The following ARHGAP10 variants were observed in gnomAD, a reference collection of about 807,000 sequenced individuals.
ARHGAP10 encodes rho GTPase-activating protein 10.
ARHGAP10 carries 87 observed loss-of-function variants against 108.6 expected under a neutral mutation model. The ratio of observed to expected loss-of-function variants is 0.80; its 90% CI spans 0.67 to 0.96. The LOEUF is 0.96. Among genes scored for constraint, ARHGAP10 ranks in the 40% least tolerant of loss-of-function variants. The pLI, the probability that ARHGAP10 is intolerant of heterozygous loss-of-function variation, is 0.00. For missense variants in ARHGAP10, 939 were observed against 954.5 expected, an observed-to-expected ratio of 0.98 and a Z score of 0.21; for synonymous variants, 347 against 341.1, an observed-to-expected ratio of 1.02 and a Z score of -0.19.
intron 1 of ARHGAP10, among the ~76,000 whole-genome samples, chr4:147,805,514 A>G (rs920161007): frequency 2.6e-5 from 4 of 152,182 alleles, no homozygotes; most frequent in Admixed American, 2.0e-4. Flanking sequence ...AAGAATGTCA[A>G]TGGTAGTTTG....
At chr4:147,847,017 T>G (rs1331448111) in intron 3 of ARHGAP10, 134 bp from the exon 4 acceptor site, 10 of 631,134 alleles carry the variant, frequency 1.6e-5, no homozygotes, top group Non-Finnish European at 2.7e-5. Context: ...ATTGTTGCAT[T>G]GGCAGAGTGA....
chr4:147,983,033 C>T (rs1739883251), intron 18 of ARHGAP10, among the ~76,000 whole-genome samples: 1 of 151,754 alleles, frequency 6.6e-6, no homozygotes, highest in Non-Finnish European at 1.5e-5. Context: ...GTGTGCATGA[C>T]CATGCACTGC....
chr4:147,966,700 A>C lies in ARHGAP10; in HGVS notation c.1577A>C (p.Gln526Pro). The change falls in exon 18 of 23, where the codon CAG (glutamine) becomes CCG (proline). Residue 526 changes from glutamine (Q) to proline (P), a missense_variant. Transcript: ENST00000336498. Reference protein sequence around the residue: ...HLTNVSNHSKQNLMTVANLGV... With the variant: ...HLTNVSNHSKPNLMTVANLGV... ...TTCAGTGTTTCAAATCACTCCAAGC[A>C]GAACCTGATGACTGTGGCAAACTTA... 6.3e-7 allele frequency: 1 copy of C among 1,585,784 alleles called. No individual in the cohort carries two copies. The highest frequency in any genetic ancestry group is 1.2e-5 in the South Asian group (1 of 85,846).
chr4:148,019,263 T>G (rs978163920), intron 18 of ARHGAP10, among the ~76,000 whole-genome samples: 1 of 152,232 alleles, frequency 6.6e-6, no homozygotes, highest in African/African-American at 2.4e-5. Flanking sequence ...AGTCATGAGG[T>G]CTGAATTCAT....
At chr4:147,818,291 C>T (rs568078751) in intron 1 of ARHGAP10, among the ~76,000 whole-genome samples, 53 of 151,858 alleles carry the variant, frequency 3.5e-4, no homozygotes, top group Non-Finnish European at 5.6e-4. Context: ...TTAGGCTGGG[C>T]GCGGTGGCTC....
At chr4:147,758,446 A>G (rs749010769) in intron 1 of ARHGAP10, among the ~76,000 whole-genome samples, 9 of 152,180 alleles carry the variant, frequency 5.9e-5, no homozygotes, top group Admixed American at 2.0e-4. Flanking sequence ...TGCAGCCATC[A>G]CCACAGTCAA....
At chr4:147,837,643 G>GTTTTTT (rs59933316) in intron 3 of ARHGAP10, among the ~76,000 whole-genome samples, 14,494 of 70,116 alleles carry the variant, frequency 0.21, 1,899 homozygotes, top group African/African-American at 0.26. Context: ...TCTGGTCACT[G>GTTTTTT]TTTTTTTTTT....
intron 8 of ARHGAP10, among the ~76,000 whole-genome samples, chr4:147,876,128 A>G (rs894773262): frequency 3.3e-5 from 5 of 152,230 alleles, no homozygotes; most frequent in East Asian, 3.8e-4. Flanking sequence ...TTAATGTTCT[A>G]TGCAGGCAGC....
At chr4:148,033,438 G>A (rs565577483) in intron 19 of ARHGAP10, among the ~76,000 whole-genome samples, 1 of 152,288 alleles carries the variant, frequency 6.6e-6, no homozygotes, top group East Asian at 1.9e-4. Flanking sequence ...ACTTTTAAAG[G>A]AAAACCTATA....
At chr4:147,808,453 T>G (rs1731874021) in intron 1 of ARHGAP10, among the ~76,000 whole-genome samples, 1 of 152,060 alleles carries the variant, frequency 6.6e-6, no homozygotes, top group East Asian at 1.9e-4. Context: ...TAGGAAGGAA[T>G]TGGATTTTAT....
rs568963317 is a variant in ARHGAP10 at position 147,886,535 on chromosome 4, A to G, written c.1034+4603A>G. Among the ~76,000 whole-genome samples the G allele has an allele frequency of 2.6e-5, 4 of 152,184 alleles. No homozygotes were observed. In the South Asian group the frequency reaches 6.2e-4, roughly 24 times the overall value. The stretch of plus-strand genomic sequence containing the variant: ...CGTCGTGCACTCACTTTCTTCCTTA[A>G]CTAGTTGAAATTTCATAGTCACTCA... On this transcript the variant is annotated intron_variant, in intron 10 of 22. Coordinates refer to ENST00000336498, the MANE Select transcript of ARHGAP10 (RefSeq NM_024605.4).
At chr4:147,794,468 T>G (rs1361817557) in intron 1 of ARHGAP10, among the ~76,000 whole-genome samples, 1 of 152,174 alleles carries the variant, frequency 6.6e-6, no homozygotes, top group African/African-American at 2.4e-5. Context: ...TACAACTGGT[T>G]AGGTTTTCAT....
intron 20 of ARHGAP10, 117 bp downstream of exon 20, chr4:148,047,168 G>T (rs1728926452): frequency 1.6e-6 from 2 of 1,270,382 alleles, no homozygotes; most frequent in Non-Finnish European, 2.1e-6. Flanking sequence ...AGGAGCCCTT[G>T]TTTTCTTATC....
chr4:147,761,280 A>G (rs536140317), intron 1 of ARHGAP10, among the ~76,000 whole-genome samples: 2 of 151,892 alleles, frequency 1.3e-5, no homozygotes, highest in South Asian at 4.2e-4. Flanking sequence ...ACCTCTGAAC[A>G]CTCTAGGATT....
rs148324884 is a variant in ARHGAP10, at chr4:147,845,685, A to T, written c.313-1466A>T. ...ACCAGTTTCACAGAAGACATATTAT[A>T]TGGAGGTTTATTTGGGATCACTAGT... is the stretch of plus-strand genomic sequence containing the variant. On this transcript the variant is annotated intron_variant, in intron 3 of 22. Coordinates refer to ENST00000336498, the MANE Select transcript of ARHGAP10 (RefSeq NM_024605.4). Among the ~76,000 whole-genome samples the T allele has an allele frequency of 7.2e-5, 11 of 152,274 alleles. No individual in the cohort carries two copies. In the East Asian group the frequency reaches 2.1e-3, roughly 29 times the overall value.
chr4:148,057,105 T>C (rs776466500), intron 20 of ARHGAP10, among the ~76,000 whole-genome samples: 68 of 152,162 alleles, frequency 4.5e-4, no homozygotes, highest in Non-Finnish European at 8.4e-4. Context: ...CACTCGTAAG[T>C]CATTCGCTTC....
At chr4:147,952,276 A>G (rs1046622159) in intron 15 of ARHGAP10, among the ~76,000 whole-genome samples, 9 of 152,196 alleles carry the variant, frequency 5.9e-5, no homozygotes, top group Non-Finnish European at 1.2e-4. Flanking sequence ...GATAAATCCC[A>G]GGAGTGGAAT....
chr4:147,754,019 C>T (rs1729271283), intron 1 of ARHGAP10, among the ~76,000 whole-genome samples: 1 of 152,170 alleles, frequency 6.6e-6, no homozygotes, highest in African/African-American at 2.4e-5. Context: ...TACCCCTCAC[C>T]TTGCCTGTGT....
At chr4:147,806,321 TGTTA>T (rs1375965874) in intron 1 of ARHGAP10, among the ~76,000 whole-genome samples, 2 of 152,236 alleles carry the variant, frequency 1.3e-5, no homozygotes, top group Admixed American at 6.5e-5. Context: ...TAGACTTTTG[TGTTA>T]GTTTGTCCAA....
Sources: allele counts gnomAD v4.1 joint callset (sites outside exome capture counted in the v4.1 genomes callset), GRCh38; gene constraint gnomAD v4.1.1; transcripts MANE v1.5; gene names NCBI Gene and HGNC (gene_info 2026-07-23, HGNC 2026-07-21).